MAFK: variants seen among roughly 807,000 people sequenced by gnomAD.
The protein encoded by MAFK is transcription factor MafK.
A neutral mutation model predicts 9.2 loss-of-function variants in MAFK; 1 was observed. The observed-to-expected ratio is 0.11, with a 90% CI of 0.04 to 0.52. The LOEUF (loss-of-function observed/expected upper bound fraction) is 0.52, where lower values mean the gene tolerates loss of function less well. MAFK is among the 20% of genes least tolerant of loss of function. MAFK has a pLI of 0.94. For missense variants in MAFK, 207 were observed against 236.0 expected (o/e 0.88, Z 0.81); for synonymous variants, 110 against 107.4 (o/e 1.02, Z -0.15).
intron 1 of MAFK, among the ~76,000 whole-genome samples, chr7:1,531,668 T>G (rs1443286519): frequency 7.1e-6 from 1 of 141,420 alleles, no homozygotes; most frequent in Non-Finnish European, 1.5e-5. Flanking sequence ...CAGGAAACTG[T>G]GTATGTGCCC....
Position 1,534,573 on chromosome 7 carries a change from G to GC in MAFK, c.-45+3679dup. 2.2e-6 allele frequency: 1 copy of GC among 456,436 alleles called. No homozygotes were observed. Among genetic ancestry groups the GC allele is most frequent in the South Asian group, 1.5e-5 (1 of 64,586 alleles). The allele number at this position is 456,436 out of a possible 1,614,324, so 28.3% of individuals were successfully genotyped here. ...GTCCTCCGTTCCTGGTCTTCCTCCTGCCCCTCCTCCCTCTCCCGCATCCCA... is the reference window on the plus strand; with the variant it reads ...GTCCTCCGTTCCTGGTCTTCCTCCTGCCCCCTCCTCCCTCTCCCGCATCCCA... On this transcript the variant is annotated intron_variant, in intron 1 of 2. Coordinates refer to ENST00000343242, the MANE Select transcript of MAFK (RefSeq NM_002360.4). This position sits in a 1 kb window ranked among gnomAD's most constrained non-coding sequence, Gnocchi z 4.3.
intron 1 of MAFK, chr7:1,538,213 A>G (rs989314940): frequency 2.0e-4 from 188 of 963,884 alleles, no homozygotes; most frequent in Non-Finnish European, 2.3e-4. Context: ...TGGGTTTTTC[A>G]TGAATGATTA....
intron 1 of MAFK, among the ~76,000 whole-genome samples, chr7:1,531,491 C>T (rs1783904005): frequency 6.6e-6 from 1 of 152,176 alleles, no homozygotes; most frequent in Non-Finnish European, 1.5e-5. Context: ...ACTGGTGTCG[C>T]TCTCAGCCGC....
rs1784142390 is a variant in MAFK, at chr7:1,540,222, C to T, written c.318C>T (p.Ala106=). 1 of 1,601,302 alleles carries T rather than the reference C, an allele frequency of 6.2e-7. No individual in the cohort carries two copies. The highest frequency in any genetic ancestry group is 2.3e-5 in the East Asian group (1 of 44,014). Residue 106 remains alanine, a synonymous_variant, in exon 3 of 3, where the codon GCC becomes GCT. Transcript: ENST00000343242. ...GCAGCATGCGGCTGGAGCTGGACGC[C>T]CTGCGCTCCAAGTACGAGGCGCTGC... ...ENSSMRLELD[A]LRSKYEALQT...
At position 1,540,121 on chromosome 7, in the gene MAFK, G is replaced by T; in HGVS notation, c.217G>T (p.Val73Leu). Residue 73 changes from valine (V) to leucine (L), a missense_variant, in exon 3 of 3, where the codon GTG becomes TTG. Transcript: ENST00000343242. ...CGCGGCCAGCTGCCGCATCAAGCGG[G>T]TGACGCAGAAGGAGGAGCTGGAGCG... The part of the protein sequence containing the change: ...GYAASCRIKR[V>L]TQKEELERQR... 1.3e-6 allele frequency: 2 copies of T among 1,574,512 alleles called. No homozygotes were observed. The highest frequency in any genetic ancestry group is 2.3e-5 in the East Asian group (1 of 43,022).
intron 1 of MAFK, among the ~76,000 whole-genome samples, chr7:1,536,562 G>A (rs150842939): frequency 1.8e-4 from 27 of 152,308 alleles, no homozygotes; most frequent in Non-Finnish European, 3.1e-4. Context: ...ATGTGAGGTC[G>A]GACAGTTCAC....
chr7:1,535,085 C>CGTTTTTTTTTT (rs1357575702), intron 1 of MAFK, among the ~76,000 whole-genome samples: 1 of 111,940 alleles, frequency 8.9e-6, no homozygotes, highest in Non-Finnish European at 1.7e-5. Context: ...ATTTAAAATT[C>CGTTTTTTTTTT]TTTTTTTTTT....
rs1474103927 is a variant in MAFK, at chr7:1,532,768, G to A, written c.-45+1870G>A. Among the ~76,000 whole-genome samples, 1 of 152,208 alleles carries A rather than the reference G, an allele frequency of 6.6e-6. No homozygotes were observed. Among genetic ancestry groups the A allele is most frequent in the Non-Finnish European group, 1.5e-5 (1 of 68,042 alleles). The stretch of plus-strand genomic sequence containing the variant: ...TGGCAAAGCTGTTTGCCACCCAGAC[G>A]GAGAAGAAGTTGTGCCTGTTCTTGT... On this transcript the variant is annotated intron_variant, in intron 1 of 2. Coordinates refer to ENST00000343242, the MANE Select transcript of MAFK (RefSeq NM_002360.4). This position sits in a 1 kb window ranked among gnomAD's most constrained non-coding sequence, Gnocchi z 4.5.
intron 1 of MAFK, among the ~76,000 whole-genome samples, chr7:1,536,336 A>G (rs3808335): frequency 0.58 from 87,578 of 151,936 alleles, 25,523 homozygotes; most frequent in East Asian, 0.65. Flanking sequence ...CGTAAGACAC[A>G]ATGCGAGGAC....
rs771833146 is a variant in MAFK, at chr7:1,539,231, A to G, written c.36+3A>G. On this transcript the variant is annotated splice_donor_region_variant and intron_variant, in intron 2 of 2. Transcript: ENST00000343242. The stretch of plus-strand genomic sequence containing the variant: ...CCAAACCGAATAAGGCATTAAAGGT[A>G]AGGCTGGTTCCAAGCAGGCCCCGTC... 1.2e-6 allele frequency: 2 copies of G among 1,610,596 alleles called. No individual in the cohort carries two copies. Among genetic ancestry groups the G allele is most frequent in the East Asian group, 2.2e-5 (1 of 44,722 alleles).
At position 1,534,673 on chromosome 7, in the gene MAFK, G is replaced by T; in HGVS notation, c.-45+3775G>T. 1 of 455,922 alleles carries T rather than the reference G, an allele frequency of 2.2e-6. No homozygotes were observed. Among genetic ancestry groups the T allele is most frequent in the South Asian group, 1.5e-5 (1 of 64,550 alleles). 28.2% of individuals were successfully genotyped at this position (455,922 alleles called of 1,614,324 possible). ...GGTCAGACTGGCTGGGCAGCTGAGG[G>T]GGTGGGGCATGGAGTCTGTGTCATC... On this transcript the variant is annotated intron_variant, in intron 1 of 2. Transcript: ENST00000343242. This position sits in a 1 kb window ranked among gnomAD's most constrained non-coding sequence, Gnocchi z 4.3.
Position 1,539,234 on chromosome 7 carries a change from G to C in MAFK, c.36+6G>C, listed in dbSNP as rs530264489. 2 of 1,609,856 alleles carry C rather than the reference G, an allele frequency of 1.2e-6. No homozygotes were observed. Among genetic ancestry groups the C allele is most frequent in the Admixed American group, 3.4e-5 (2 of 59,144 alleles). ...AACCGAATAAGGCATTAAAGGTAAG[G>C]CTGGTTCCAAGCAGGCCCCGTCTCA... is the stretch of plus-strand genomic sequence containing the variant. On this transcript the variant is annotated splice_donor_region_variant and intron_variant, in intron 2 of 2. Transcript: ENST00000343242.
In MAFK at chr7:1,534,601, TCCTCGGAGACCCGCGG is replaced by T. The variant is rs1783983675; in HGVS notation, c.-45+3704_-45+3719del. ...CCTCCTCCCTCTCCCGCATCCCACA[TCCTCGGAGACCCGCGG>T]AGAATAGAAGTGGAAGGGCCACTCC... On this transcript the variant is annotated intron_variant, in intron 1 of 2. Transcript: ENST00000343242. This position sits in a 1 kb window ranked among gnomAD's most constrained non-coding sequence, Gnocchi z 4.3. 2.2e-6 allele frequency: 1 copy of T among 456,142 alleles called. No individual in the cohort carries two copies. Among genetic ancestry groups the T allele is most frequent in the Non-Finnish European group, 4.4e-6 (1 of 226,844 alleles). The allele number at this position is 456,142 out of a possible 1,614,324, so 28.3% of individuals were successfully genotyped here.
Position 1,540,152 on chromosome 7 carries a change from G to A in MAFK, c.248G>A (p.Arg83His), listed in dbSNP as rs1168015538. 7.6e-6 allele frequency: 12 copies of A among 1,569,934 alleles called. No individual in the cohort carries two copies. The highest frequency in any genetic ancestry group is 9.5e-6 in the Non-Finnish European group (11 of 1,157,932). ...VTQKEELERQ[R>H]VELQQEVEKL... ...CAGAAGGAGGAGCTGGAGCGGCAGC[G>A]CGTGGAGCTGCAGCAGGAGGTGGAG... Residue 83 changes from arginine (R) to histidine (H), a missense_variant, in exon 3 of 3, where the codon CGC becomes CAC. Coordinates refer to ENST00000343242, the MANE Select transcript of MAFK (RefSeq NM_002360.4).
intron 1 of MAFK, chr7:1,537,630 G>A: frequency 3.0e-6 from 3 of 985,626 alleles, no homozygotes; most frequent in Non-Finnish European, 3.6e-6. Context: ...ATCTACGTCA[G>A]CGCCCTGAGA....
At chr7:1,531,229 G>A (rs1167549654) in intron 1 of MAFK, among the ~76,000 whole-genome samples, 1 of 149,852 alleles carries the variant, frequency 6.7e-6, no homozygotes, top group Non-Finnish European at 1.5e-5. Context: ...GGTCGGCGGC[G>A]CGCATCGGGC....
rs1784190573 is a variant in MAFK, at chr7:1,541,592, G to T, written c.*1217G>T. 6.6e-6 allele frequency: 1 copy of T among 152,512 alleles called. No individual in the cohort carries two copies. Among genetic ancestry groups the T allele is most frequent in the Admixed American group, 6.5e-5 (1 of 15,272 alleles). The allele number at this position is 152,512 out of a possible 1,614,324, so 9.4% of individuals were successfully genotyped here. Reference sequence around the variant, plus strand: ...CACTCCAGAGGGCGCGGCGGGTGGGGAGGCAGCAGGCACCAGTCCAGGAGA... The same window carrying T: ...CACTCCAGAGGGCGCGGCGGGTGGGTAGGCAGCAGGCACCAGTCCAGGAGA... On this transcript the variant is annotated 3_prime_UTR_variant, in exon 3 of 3. Transcript: ENST00000343242.
rs1783994002 is a variant in MAFK, at chr7:1,534,956, G to C, written c.-45+4058G>C. 6.6e-6 allele frequency among the ~76,000 whole-genome samples: 1 copy of C among 152,002 alleles called. No homozygotes were observed. The highest frequency in any genetic ancestry group is 2.1e-4 in the South Asian group (1 of 4,820). On this transcript the variant is annotated intron_variant, in intron 1 of 2. Coordinates refer to ENST00000343242, the MANE Select transcript of MAFK (RefSeq NM_002360.4). This position sits in a 1 kb window ranked among gnomAD's most constrained non-coding sequence, Gnocchi z 4.3. ...TCTTGCCCTGTCACTCAGGCTGCTG[G>C]AGTGCAGTGGTGTGATCACAGCTCA...
In MAFK at chr7:1,539,911, C is replaced by T. The variant is rs777693202; in HGVS notation, c.37-30C>T. On this transcript the variant is annotated intron_variant, in intron 2 of 2. Coordinates refer to ENST00000343242, the MANE Select transcript of MAFK (RefSeq NM_002360.4). ...CCCAGGCAGACACCCCACGTTCTCC[C>T]GCCGCTGACCCCGCACTGTGGCCCC... 30 of 1,480,422 alleles carry T rather than the reference C, an allele frequency of 2.0e-5. No individual in the cohort carries two copies. The Admixed American group carries it at 2.0e-4, about 10-fold the overall frequency. 91.7% of individuals were successfully genotyped at this position (1,480,422 alleles called of 1,614,324 possible). A position where few individuals can be genotyped will look rare whatever the true frequency, so the allele number is the denominator to read the frequency against.
Sources: allele counts gnomAD v4.1 joint callset (sites outside exome capture counted in the v4.1 genomes callset), GRCh38; gene constraint gnomAD v4.1.1; non-coding constraint Gnocchi (gnomAD v3.1); transcripts MANE v1.5; gene names NCBI Gene and HGNC (gene_info 2026-07-23, HGNC 2026-07-21).